The following CALR variants were observed in gnomAD, a reference collection of about 807,000 sequenced individuals.
CALR encodes calreticulin, also known as CRP55.
Under a neutral mutation model 51.1 loss-of-function variants are expected in CALR, and 15 were observed. The ratio of observed to expected loss-of-function variants is 0.29; its 90% CI spans 0.20 to 0.45. CALR has a LOEUF of 0.45. Ranked by LOEUF, CALR falls within the 20% of genes least tolerant of loss-of-function variation. The pLI is 1.00. For missense variants in CALR, 477 were observed against 530.6 expected (o/e 0.90, Z 0.99); for synonymous variants, 239 against 205.9 (o/e 1.16, Z -1.38).
intron 6 of CALR, 41 bp downstream of exon 6, chr19:12,940,695 G>A (rs1349954318): frequency 5.0e-6 from 8 of 1,613,864 alleles, no homozygotes; most frequent in Non-Finnish European, 6.8e-6. Flanking sequence ...CTCACAGTGG[G>A]GAGTGCACCA....
rs1285270510 is a variant in CALR, at chr19:12,943,599, G to A, written c.1023G>A (p.Glu341=). 1.2e-6 allele frequency: 2 copies of A among 1,614,204 alleles called. No homozygotes were observed. The highest frequency in any genetic ancestry group is 1.1e-5 in the South Asian group (1 of 91,090). ...LITNDEAYAE[E]FGNETWGVTK... Reference sequence around the variant, plus strand: ...CCAACGATGAGGCATACGCTGAGGAGTTTGGCAACGAGACGTGGGGCGTAA... The same window carrying A: ...CCAACGATGAGGCATACGCTGAGGAATTTGGCAACGAGACGTGGGGCGTAA... The change falls in exon 8 of 9, where the codon GAG becomes GAA. Residue 341 remains glutamate (E), a synonymous_variant. Coordinates refer to ENST00000316448, the MANE Select transcript of CALR (RefSeq NM_004343.4).
At chr19:12,942,252 A>C (rs1225853875) in intron 7 of CALR, among the ~76,000 whole-genome samples, 15 of 150,938 alleles carry the variant, frequency 9.9e-5, no homozygotes, top group South Asian at 4.2e-4. Context: ...AGTCCCAGCT[A>C]CTCGGGAGGC....
At chr19:12,939,744 TC>T (rs1267789755) in intron 3 of CALR, 113 bp downstream of exon 3, 11 of 899,206 alleles carry the variant, frequency 1.2e-5, no homozygotes, top group Non-Finnish European at 1.9e-5. Flanking sequence ...AAAGAATAAG[TC>T]CCAGCAACAA....
At chr19:12,938,933 G>A in intron 1 of CALR, 163 bp downstream of exon 1, 1 of 750,824 alleles carries the variant, frequency 1.3e-6, no homozygotes, top group Non-Finnish European at 2.4e-6. Flanking sequence ...GAGCGCGGAG[G>A]GCGTAGCGGC....
intron 7 of CALR, among the ~76,000 whole-genome samples, chr19:12,941,537 T>A (rs1971546724): frequency 1.3e-5 from 2 of 150,188 alleles, no homozygotes; most frequent in African/African-American, 4.9e-5. Flanking sequence ...AGTGGTGTGA[T>A]CTCTGCTCAC....
Position 12,943,850 on chromosome 19 carries a change from T to G in CALR, c.1191T>G (p.Asp397Glu), listed in dbSNP as rs1037708390. 1.3e-6 allele frequency: 2 copies of G among 1,580,406 alleles called. No homozygotes were observed. Among genetic ancestry groups the G allele is most frequent in the African/African-American group, 1.4e-5 (1 of 73,840 alleles). ...DDEDKDEDEE[D>E]EEDKEEDEEE... The stretch of plus-strand genomic sequence containing the variant: ...AGGACAAAGATGAGGATGAGGAGGA[T>G]GAGGAGGACAAGGAGGAAGATGAGG... Residue 397 changes from aspartate to glutamate, a missense_variant, in exon 9 of 9, where the codon GAT (aspartate) becomes GAG (glutamate). Physicochemically the swap from Asp to Glu is conservative, Grantham distance 45. Coordinates refer to ENST00000316448, the MANE Select transcript of CALR (RefSeq NM_004343.4).
rs1438820941 is a variant in CALR, at chr19:12,944,022, T to G, written c.*109T>G. 6.5e-7 allele frequency: 1 copy of G among 1,545,446 alleles called. No homozygotes were observed. The highest frequency in any genetic ancestry group is 1.4e-5 in the African/African-American group (1 of 73,280). On this transcript the variant is annotated 3_prime_UTR_variant, in exon 9 of 9. Transcript: ENST00000316448. ...CGAGAACTTTCATTTTTTTCCAGGC[T>G]GGTTCGGATTTGGGGTGGATTTTGG...
At position 12,939,137 on chromosome 19, in the gene CALR, G is replaced by T; in HGVS notation, c.95G>T (p.Gly32Val). The change falls in exon 2 of 9, where the codon GGG becomes GTG. Residue 32 changes from glycine (G) to valine (V), a missense_variant. Coordinates refer to ENST00000316448, the MANE Select transcript of CALR (RefSeq NM_004343.4). ...ACCCCTCTAATCCCCCACTTAGACG[G>T]GTGGACTTCCCGCTGGATCGAATCC... ...YFKEQFLDGDGWTSRWIESKH... is the reference protein window; with the variant it reads ...YFKEQFLDGDVWTSRWIESKH... The T allele has an allele frequency of 6.2e-7, 1 of 1,600,710 alleles. No homozygotes were observed. Among genetic ancestry groups the T allele is most frequent in the South Asian group, 1.1e-5 (1 of 89,044 alleles).
In CALR at chr19:12,944,041, A is replaced by AT; in HGVS notation, c.*132dup. The AT allele has an allele frequency of 1.4e-6, 2 of 1,460,870 alleles. No homozygotes were observed. The highest frequency in any genetic ancestry group is 1.9e-6 in the Non-Finnish European group (2 of 1,077,312). The allele number at this position is 1,460,870 out of a possible 1,614,324, so 90.5% of individuals were successfully genotyped here. ...CCAGGCTGGTTCGGATTTGGGGTGG[A>AT]TTTTGGTTTTGTTCCCCTCCTCCAC... On this transcript the variant is annotated 3_prime_UTR_variant, in exon 9 of 9. Coordinates refer to ENST00000316448, the MANE Select transcript of CALR (RefSeq NM_004343.4).
chr19:12,943,533 C>T lies in CALR; in HGVS notation c.961-4C>T, dbSNP rs768861623. On this transcript the variant is annotated splice_polypyrimidine_tract_variant and splice_region_variant and intron_variant, in intron 7 of 8. Coordinates refer to ENST00000316448, the MANE Select transcript of CALR (RefSeq NM_004343.4). Reference sequence around the variant, plus strand: ...TCTGACCATCCTTCCCATTCATCCTCCAGGTCAAGTCTGGCACCATCTTTG... The same window carrying T: ...TCTGACCATCCTTCCCATTCATCCTTCAGGTCAAGTCTGGCACCATCTTTG... The T allele has an allele frequency of 1.9e-6, 3 of 1,613,664 alleles. No individual in the cohort carries two copies. In the South Asian group the frequency reaches 3.3e-5, roughly 18 times the overall value.
chr19:12,943,898 C>A lies in CALR; in HGVS notation c.1239C>A (p.Ala413=). ...EDEEEDVPGQ[A]KDEL ...AGGAGGAAGATGTCCCCGGCCAGGCCAAGGACGAGCTGTAGAGAGGCCTGC... is the reference window on the plus strand; with the variant it reads ...AGGAGGAAGATGTCCCCGGCCAGGCAAAGGACGAGCTGTAGAGAGGCCTGC... The change falls in exon 9 of 9, where the codon GCC becomes GCA. Residue 413 remains alanine (A), a synonymous_variant. Coordinates refer to ENST00000316448, the MANE Select transcript of CALR (RefSeq NM_004343.4). 1 of 1,600,288 alleles carries A rather than the reference C, an allele frequency of 6.2e-7. No individual in the cohort carries two copies. Among genetic ancestry groups the A allele is most frequent in the Non-Finnish European group, 8.5e-7 (1 of 1,174,608 alleles).
In CALR at chr19:12,943,823, T is replaced by G; in HGVS notation, c.1164T>G (p.Asp388Glu). Residue 388 changes from aspartate to glutamate, a missense_variant, in exon 9 of 9, where the codon GAT becomes GAG. By Grantham distance (45) the Asp-to-Glu change is conservative. Coordinates refer to ENST00000316448, the MANE Select transcript of CALR (RefSeq NM_004343.4). ...EEEEAEDKED[D>E]EDKDEDEEDE... is the part of the protein sequence containing the mutation. ...AGGAGGCAGAGGACAAGGAGGATGATGAGGACAAAGATGAGGATGAGGAGG... is the reference window on the plus strand; with the variant it reads ...AGGAGGCAGAGGACAAGGAGGATGAGGAGGACAAAGATGAGGATGAGGAGG... 1 of 1,580,874 alleles carries G rather than the reference T, an allele frequency of 6.3e-7. No homozygotes were observed. Among genetic ancestry groups the G allele is most frequent in the Middle Eastern group, 1.7e-4 (1 of 5,804 alleles).
At chr19:12,943,074 CAT>C in intron 7 of CALR, 1 of 174,216 alleles carries the variant, frequency 5.7e-6, no homozygotes, top group South Asian at 9.2e-5. Flanking sequence ...TCCATCTTTC[CAT>C]CTTTTTTTTT....
At position 12,940,058 on chromosome 19, in the gene CALR, G is replaced by A. The variant is rs1971524352; in HGVS notation, c.403G>A (p.Asp135Asn). ...DSEYNIMFGP[D>N]ICGPGTKKVH... ...TGGATCTGCTTCACACCTAGGTCCCGACATCTGTGGCCCTGGCACCAAGAA... is the reference window on the plus strand; with the variant it reads ...TGGATCTGCTTCACACCTAGGTCCCAACATCTGTGGCCCTGGCACCAAGAA... The change falls in exon 4 of 9, where the codon GAC becomes AAC. Residue 135 changes from aspartate to asparagine, a missense_variant. Transcript: ENST00000316448. 1.2e-6 allele frequency: 2 copies of A among 1,612,638 alleles called. No individual in the cohort carries two copies. The highest frequency in any genetic ancestry group is 1.7e-6 in the Non-Finnish European group (2 of 1,178,692).
chr19:12,942,344 T>C (rs889616486), intron 7 of CALR, among the ~76,000 whole-genome samples: 8 of 147,522 alleles, frequency 5.4e-5, no homozygotes, highest in Non-Finnish European at 8.9e-5. Flanking sequence ...GCCTGGGTGA[T>C]AGCGAGACTC....
Position 12,944,228 on chromosome 19 carries a change from G to C in CALR, c.*315G>C. ...ATCTCTTAGCTCCCCTCCAACCTGG[G>C]GGGCAGTGGTGTGGAGAAGCCACAG... is the stretch of plus-strand genomic sequence containing the variant. On this transcript the variant is annotated 3_prime_UTR_variant, in exon 9 of 9. Transcript: ENST00000316448. The C allele has an allele frequency of 2.1e-6, 1 of 479,958 alleles. No individual in the cohort carries two copies. The allele number at this position is 479,958 out of a possible 1,614,324, so 29.7% of individuals were successfully genotyped here.
In CALR at chr19:12,943,987, CTG is replaced by C. The variant is rs1458711352; in HGVS notation, c.*77_*78del. The C allele has an allele frequency of 6.3e-7, 1 of 1,584,046 alleles. No individual in the cohort carries two copies. Among genetic ancestry groups the C allele is most frequent in the Admixed American group, 1.8e-5 (1 of 55,986 alleles). Reference sequence around the variant, plus strand: ...GAGCTGGCCGCGCCAAATAATGTCTCTGTGAGACTCGAGAACTTTCATTTTTT... The same window carrying C: ...GAGCTGGCCGCGCCAAATAATGTCTCTGAGACTCGAGAACTTTCATTTTTT... On this transcript the variant is annotated 3_prime_UTR_variant, in exon 9 of 9. Transcript: ENST00000316448.
intron 3 of CALR, 106 bp downstream of exon 3, chr19:12,939,737 G>C (rs1292082909): frequency 1.0e-6 from 1 of 954,156 alleles, no homozygotes; most frequent in Non-Finnish European, 1.7e-6. Context: ...GGAGCTAAAA[G>C]AATAAGTCCC....
chr19:12,938,844 C>T, intron 1 of CALR, 74 bp downstream of exon 1: 1 of 1,151,638 alleles, frequency 8.7e-7, no homozygotes, highest in Non-Finnish European at 1.3e-6. Flanking sequence ...CGTTGTCGCC[C>T]GTAATTACCG....
Sources: gnomAD v4.1 joint callset for allele counts (sites outside exome capture counted in the v4.1 genomes callset) on GRCh38, gnomAD v4.1.1 for gene constraint, MANE v1.5 for transcripts, NCBI Gene and HGNC (gene_info 2026-07-23, HGNC 2026-07-21) for gene names.